Variants in CHCHD3 observed in about 807,000 individuals in gnomAD.
CHCHD3 encodes the protein coiled-coil-helix-coiled-coil-helix domain containing 3, also known as MICOS complex subunit MIC19.
In CHCHD3, 20 loss-of-function variants were observed where a neutral mutation model predicts 38.2. That is an observed-to-expected ratio of 0.52 (90% CI 0.37 to 0.76). CHCHD3 has a LOEUF of 0.76. Ranked by LOEUF, CHCHD3 falls within the 30% of genes least tolerant of loss-of-function variation. The probability of loss-of-function intolerance (pLI) is 0.00; values close to 1 mark genes in which losing one functional copy is unlikely to be tolerated. For missense variants in CHCHD3, 245 were observed against 279.2 expected, an observed-to-expected ratio of 0.88 and a Z score of 0.87; for synonymous variants, 82 against 100.0, an observed-to-expected ratio of 0.82 and a Z score of 1.07.
At chr7:132,943,102 C>G (rs1027454488) in intron 4 of CHCHD3, among the ~76,000 whole-genome samples, 5 of 152,076 alleles carry the variant, frequency 3.3e-5, no homozygotes, top group African/African-American at 1.2e-4. Flanking sequence ...AATAAACTAC[C>G]TACTATATCT....
chr7:132,814,781 A>G (rs1807155908), intron 6 of CHCHD3, among the ~76,000 whole-genome samples: 2 of 152,224 alleles, frequency 1.3e-5, no homozygotes, highest in African/African-American at 4.8e-5. Context: ...CATATGTCAT[A>G]TCATATATCA....
intron 6 of CHCHD3, chr7:132,815,631 G>T (rs1807181902): frequency 2.2e-6 from 1 of 454,312 alleles, no homozygotes; most frequent in African/African-American, 2.0e-5. Flanking sequence ...CACCAAACCT[G>T]CTGGTAGGAA....
chr7:132,954,995 G>A (rs987134572), intron 4 of CHCHD3, among the ~76,000 whole-genome samples: 17 of 152,126 alleles, frequency 1.1e-4, no homozygotes, highest in Non-Finnish European at 2.2e-4. Context: ...AAAACATCAA[G>A]GAATTGCAAA....
chr7:132,892,517 A>G (rs1809387295), intron 4 of CHCHD3, among the ~76,000 whole-genome samples: 1 of 152,236 alleles, frequency 6.6e-6, no homozygotes, highest in Admixed American at 6.5e-5. Flanking sequence ...AATTCAAGCC[A>G]GCTGCAAAGA....
intron 7 of CHCHD3, among the ~76,000 whole-genome samples, chr7:132,794,566 T>G (rs796991642): frequency 6.6e-6 from 1 of 152,212 alleles, no homozygotes; most frequent in Admixed American, 6.5e-5. Flanking sequence ...GGCTTCTATC[T>G]TTTTATTATT....
intron 6 of CHCHD3, among the ~76,000 whole-genome samples, chr7:132,805,804 T>C (rs1314321610): frequency 6.6e-6 from 1 of 152,150 alleles, no homozygotes; most frequent in African/African-American, 2.4e-5. Context: ...GATGGAATGA[T>C]GTGGTAACTG....
At chr7:132,986,267 G>A (rs1056270159) in intron 3 of CHCHD3, among the ~76,000 whole-genome samples, 6 of 147,144 alleles carry the variant, frequency 4.1e-5, no homozygotes, top group Admixed American at 6.8e-5. Flanking sequence ...TAAACACTGC[G>A]GAAGGCCGCA....
chr7:132,899,077 G>T (rs1809597328), intron 4 of CHCHD3, among the ~76,000 whole-genome samples: 1 of 152,208 alleles, frequency 6.6e-6, no homozygotes, highest in Non-Finnish European at 1.5e-5. Context: ...GGGCTGAAGG[G>T]CTCCTCAAGT....
Position 132,972,569 on chromosome 7 carries a change from A to G in CHCHD3, c.369+2600T>C, listed in dbSNP as rs78818050. 1,635 of 984,364 alleles carry G rather than the reference A, an allele frequency of 1.7e-3. 26 individuals are homozygous for G. The African/African-American group carries it at 0.027, about 16-fold the overall frequency. 61.0% of individuals were successfully genotyped at this position (984,364 alleles called of 1,614,324 possible). A position where few individuals can be genotyped will look rare whatever the true frequency, so the allele number is the denominator to read the frequency against. Reference sequence around the variant, plus strand: ...TTCCATAATAATAAATAACAACAATAAAGGGAGAAATCTGGTAAATAAATT... The same window carrying G: ...TTCCATAATAATAAATAACAACAATGAAGGGAGAAATCTGGTAAATAAATT... On this transcript the variant is annotated intron_variant, in intron 4 of 7. Transcript: ENST00000262570.
chr7:132,840,070 T>A, intron 5 of CHCHD3, among the ~76,000 whole-genome samples: 1 of 152,382 alleles, frequency 6.6e-6, no homozygotes, highest in East Asian at 1.9e-4. Context: ...TAATTGTCTA[T>A]ATGCCGAGAG....
intron 7 of CHCHD3, among the ~76,000 whole-genome samples, chr7:132,794,993 T>C (rs1004612361): frequency 2.0e-5 from 3 of 152,212 alleles, no homozygotes; most frequent in Non-Finnish European, 4.4e-5. Flanking sequence ...ATATATACCA[T>C]TGATGTCACA....
At chr7:132,889,267 C>T (rs1276671700) in intron 4 of CHCHD3, among the ~76,000 whole-genome samples, 1 of 151,990 alleles carries the variant, frequency 6.6e-6, no homozygotes, top group African/African-American at 2.4e-5. Context: ...GCATTATCTA[C>T]CCTGGCTATT....
At chr7:133,046,938 G>A (rs1321775578) in intron 2 of CHCHD3, among the ~76,000 whole-genome samples, 2 of 152,188 alleles carry the variant, frequency 1.3e-5, no homozygotes. Flanking sequence ...GCACAAAGCA[G>A]GTTAAGAACC....
At position 132,826,073 on chromosome 7, in the gene CHCHD3, C is replaced by G. The variant is rs77296235; in HGVS notation, c.524+12326G>C. On this transcript the variant is annotated intron_variant, in intron 6 of 7. Transcript: ENST00000262570. ...CATAAACCATGCTGAATGCATCTCT[C>G]ACATAGTCAGCTTTGTTGAGATCTA... is the stretch of plus-strand genomic sequence containing the variant. 3.3e-5 allele frequency among the ~76,000 whole-genome samples: 5 copies of G among 152,326 alleles called. No individual in the cohort carries two copies. The East Asian group carries it at 9.6e-4, about 29-fold the overall frequency.
chr7:133,040,174 C>A (rs1813792568), intron 2 of CHCHD3, among the ~76,000 whole-genome samples: 1 of 152,112 alleles, frequency 6.6e-6, no homozygotes, highest in Non-Finnish European at 1.5e-5. Context: ...TAAAAATCAG[C>A]TATGTTGGGT....
chr7:132,812,414 G>A lies in CHCHD3; in HGVS notation c.525-15837C>T, dbSNP rs558444237. ...AGTAGAGATGGGGTTTCACCATGTT[G>A]GCCAGGTTGGTCTCAAACTCTTGAC... On this transcript the variant is annotated intron_variant, in intron 6 of 7. Coordinates refer to ENST00000262570, the MANE Select transcript of CHCHD3 (RefSeq NM_017812.4). Among the ~76,000 whole-genome samples, 4 of 151,698 alleles carry A rather than the reference G, an allele frequency of 2.6e-5. No individual in the cohort carries two copies. In the East Asian group the frequency reaches 5.9e-4, roughly 22 times the overall value.
intron 6 of CHCHD3, among the ~76,000 whole-genome samples, chr7:132,803,503 A>C (rs1409969017): frequency 6.6e-6 from 1 of 152,128 alleles, no homozygotes; most frequent in Non-Finnish European, 1.5e-5. Context: ...CTATTTTCTT[A>C]AATATCTATA....
chr7:132,805,187 A>C (rs1806884159), intron 6 of CHCHD3, among the ~76,000 whole-genome samples: 1 of 152,246 alleles, frequency 6.6e-6, no homozygotes, highest in Non-Finnish European at 1.5e-5. Context: ...AAACTTATTT[A>C]CTGGGGGAGA....
At chr7:132,862,410 G>A (rs1808519408) in intron 5 of CHCHD3, among the ~76,000 whole-genome samples, 1 of 152,212 alleles carries the variant, frequency 6.6e-6, no homozygotes, top group African/African-American at 2.4e-5. Context: ...ATACACTGTA[G>A]TCTGTTAAGC....
Sources: allele counts gnomAD v4.1 joint callset (sites outside exome capture counted in the v4.1 genomes callset), GRCh38; gene constraint gnomAD v4.1.1; transcripts MANE v1.5; gene names NCBI Gene and HGNC (gene_info 2026-07-23, HGNC 2026-07-21).